Variants in NEBL observed in about 807,000 individuals in gnomAD.
The protein encoded by NEBL is LIM and SH3 protein 2.
In NEBL, 122 loss-of-function variants were observed where a neutral mutation model predicts 140.2. That is an observed-to-expected ratio of 0.87 (90% CI 0.75 to 1.01). The LOEUF is 1.01. NEBL is among the 50% of genes least tolerant of loss of function. The pLI is 0.00. For missense variants in NEBL, 1,365 were observed against 1,231.3 expected (o/e 1.11, Z -1.62); for synonymous variants, 436 against 398.9 (o/e 1.09, Z -1.11).
At chr10:21,024,536 T>C (rs1474344221) in intron 2 of NEBL, among the ~76,000 whole-genome samples, 1 of 151,478 alleles carries the variant, frequency 6.6e-6, no homozygotes, top group Non-Finnish European at 1.5e-5. Flanking sequence ...GGCTTAACTA[T>C]TGAGAAAGAG....
chr10:21,177,535 CTT>C (rs541092301), upstream of NEBL, among the ~76,000 whole-genome samples: 2 of 144,976 alleles, frequency 1.4e-5, no homozygotes, highest in African/African-American at 2.5e-5. Context: ...TTTATTTTTC[CTT>C]TTTTTTTTTT....
intron 2 of NEBL, among the ~76,000 whole-genome samples, chr10:21,094,027 C>T (rs1458488419): frequency 6.6e-6 from 1 of 152,178 alleles, no homozygotes; most frequent in Non-Finnish European, 1.5e-5. Flanking sequence ...AGCATCACTA[C>T]TCAACTTAAT....
At chr10:20,987,987 G>T (rs1837319914) in intron 3 of NEBL, among the ~76,000 whole-genome samples, 1 of 152,094 alleles carries the variant, frequency 6.6e-6, no homozygotes, top group Non-Finnish European at 1.5e-5. Flanking sequence ...CCATCTTCAT[G>T]GACTGGAAAA....
chr10:21,029,347 A>G, intron 2 of NEBL: 1 of 1,611,530 alleles, frequency 6.2e-7, no homozygotes, highest in Non-Finnish European at 8.5e-7. Context: ...GGAATTCTTT[A>G]GAGGATTAAT....
chr10:20,961,832 G>A (rs986242803), intron 3 of NEBL: 40 of 1,352,936 alleles, frequency 3.0e-5, no homozygotes, highest in Admixed American at 6.7e-5. Context: ...AATCCCACTC[G>A]GGATAGGCTG....
intron 4 of NEBL, among the ~76,000 whole-genome samples, chr10:20,933,577 T>C (rs1401935093): frequency 6.6e-6 from 1 of 151,228 alleles, no homozygotes; most frequent in East Asian, 2.0e-4. Flanking sequence ...CTACTAAAAA[T>C]ACAAAAATTA....
chr10:20,823,121 T>C (rs956673859), intron 19 of NEBL, 87 bp downstream of exon 19: 75 of 972,592 alleles, frequency 7.7e-5, no homozygotes, highest in Non-Finnish European at 9.9e-5. Flanking sequence ...TTCATTGTGA[T>C]GGCATTTGAC....
chr10:20,885,552 C>T (rs551264498), intron 4 of NEBL, among the ~76,000 whole-genome samples: 12 of 152,126 alleles, frequency 7.9e-5, no homozygotes, highest in Admixed American at 7.9e-4. Context: ...AATATACAAC[C>T]TGGATTATTT....
chr10:21,249,807 C>A (rs1429109096), intron 2 of NEBL, among the ~76,000 whole-genome samples: 20 of 152,020 alleles, frequency 1.3e-4, no homozygotes, highest in Admixed American at 1.3e-3. Flanking sequence ...CTCACACCTG[C>A]AATCCCAGCA....
intron 4 of NEBL, among the ~76,000 whole-genome samples, chr10:20,926,509 A>T (rs1036998149): frequency 2.0e-5 from 3 of 152,154 alleles, no homozygotes; most frequent in African/African-American, 7.2e-5. Context: ...AAAATTATCC[A>T]CAGTTTGTCC....
At chr10:21,064,637 T>G (rs1360626983) in intron 2 of NEBL, among the ~76,000 whole-genome samples, 3 of 152,192 alleles carry the variant, frequency 2.0e-5, no homozygotes, top group Non-Finnish European at 4.4e-5. Flanking sequence ...AAAGTAACAG[T>G]GTCAGGAGAT....
intron 3 of NEBL, among the ~76,000 whole-genome samples, chr10:20,984,544 T>G (rs1397161271): frequency 6.6e-6 from 1 of 152,108 alleles, no homozygotes; most frequent in Non-Finnish European, 1.5e-5. Flanking sequence ...AAATTCGACT[T>G]GTTTTAAGCC....
chr10:20,957,542 G>C (rs925174631), intron 4 of NEBL, among the ~76,000 whole-genome samples: 1 of 152,000 alleles, frequency 6.6e-6, no homozygotes, highest in Non-Finnish European at 1.5e-5. Context: ...ATATAGGGCA[G>C]GTGAAACACT....
In NEBL at chr10:21,146,464, T is replaced by C. The variant is rs114401575; in HGVS notation, c.164+25919A>G. ...AGCCAATATCTTCAGAAATTTCAGG[T>C]GCCATGCTTTCCATAGAGTAGATTC... On this transcript the variant is annotated intron_variant, in intron 2 of 6. Coordinates refer to the NEBL transcript ENST00000417816. 1,015 of 1,613,848 alleles carry C rather than the reference T, an allele frequency of 6.3e-4. 5 individuals carry two copies. In the African/African-American group the frequency reaches 0.012, roughly 18 times the overall value.
At chr10:21,170,240 T>G (rs1010753831) in intron 2 of NEBL, 2 of 152,188 alleles carry the variant, frequency 1.3e-5, no homozygotes, top group Non-Finnish European at 2.9e-5. Flanking sequence ...CCCATTTTCT[T>G]TCTGTCTCTT....
chr10:21,281,426 C>T (rs1428739775), intron 1 of NEBL, among the ~76,000 whole-genome samples: 1 of 151,932 alleles, frequency 6.6e-6, no homozygotes, highest in Non-Finnish European at 1.5e-5. Flanking sequence ...CCTCCCAACT[C>T]GCTGGGATTA....
chr10:21,267,786 G>A (rs936761161), intron 1 of NEBL, among the ~76,000 whole-genome samples: 9 of 152,050 alleles, frequency 5.9e-5, no homozygotes, highest in East Asian at 3.9e-4. Context: ...TCATTTGTTC[G>A]TCAGTTGTAC....
chr10:20,845,195 C>T (rs762779418), intron 12 of NEBL, 63 bp downstream of exon 12: 6 of 1,065,916 alleles, frequency 5.6e-6, no homozygotes, highest in Non-Finnish European at 8.6e-6. Context: ...ATTAGGTAAA[C>T]ATTTCCTGGG....
intron 26 of NEBL, among the ~76,000 whole-genome samples, chr10:20,800,352 T>A (rs1436411676): frequency 2.6e-5 from 4 of 152,176 alleles, no homozygotes; most frequent in African/African-American, 7.2e-5. Flanking sequence ...TATATACACA[T>A]TTTCTTTACC....
Sources: allele counts gnomAD v4.1 joint callset (sites outside exome capture counted in the v4.1 genomes callset), GRCh38; gene constraint gnomAD v4.1.1; transcripts MANE v1.5; gene names NCBI Gene and HGNC (gene_info 2026-07-23, HGNC 2026-07-21).